ABI2: variants seen among roughly 807,000 people sequenced by gnomAD.
ABI2 encodes abelson interactor 2.
In ABI2, 25 loss-of-function variants were observed where a neutral mutation model predicts 59.2. The ratio of observed to expected loss-of-function variants is 0.42; its 90% CI spans 0.31 to 0.59. The LOEUF (loss-of-function observed/expected upper bound fraction) is 0.59. ABI2 is among the 20% of genes least tolerant of loss of function. The pLI is 0.14. For missense variants in ABI2, 545 were observed against 681.8 expected (o/e 0.80, Z 2.23); for synonymous variants, 213 against 235.5 (o/e 0.90, Z 0.87).
intron 9 of ABI2, among the ~76,000 whole-genome samples, chr2:203,405,888 A>G (rs531211659): frequency 4.0e-4 from 61 of 152,192 alleles, no homozygotes; most frequent in Admixed American, 1.5e-3. Context: ...AAAAAGGGCA[A>G]TTATAACATA....
At chr2:203,419,919 C>T (rs1017131495) in intron 11 of ABI2, among the ~76,000 whole-genome samples, 3 of 152,076 alleles carry the variant, frequency 2.0e-5, no homozygotes, top group Non-Finnish European at 1.5e-5. Context: ...ACTCCAGAGG[C>T]GGAGGTTGGG....
At chr2:203,367,090 A>G in intron 2 of ABI2, 46 bp downstream of exon 2, 2 of 1,563,438 alleles carry the variant, frequency 1.3e-6, no homozygotes, top group Non-Finnish European at 1.7e-6. Context: ...AACCCTTAAT[A>G]ATAAACACAG....
rs566008087 is a variant in ABI2, at chr2:203,334,511, C to G, written c.117+5880C>G. On this transcript the variant is annotated intron_variant, in intron 1 of 11. Transcript: ENST00000261018. The stretch of plus-strand genomic sequence containing the variant: ...GAAATATATTTGGTGGATGAATATG[C>G]TGTGATTTGCTTACACCCACCCCAA... Among the ~76,000 whole-genome samples, 4 of 152,076 alleles carry G rather than the reference C, an allele frequency of 2.6e-5. 1 individual carries two copies. In the South Asian group the frequency reaches 8.3e-4, roughly 32 times the overall value.
In ABI2 at chr2:203,430,907, T is replaced by C. The variant is rs1182484945; in HGVS notation, c.*3555T>C. On this transcript the variant is annotated 3_prime_UTR_variant, in exon 12 of 12. Transcript: ENST00000261018. ...AAAATGATGGTAGTTTGCTTTTATC[T>C]TTTTATGTTCATTTTCTTTTAGTAG... 2 of 152,252 alleles carry C rather than the reference T, an allele frequency of 1.3e-5. No homozygotes were observed. Among genetic ancestry groups the C allele is most frequent in the African/African-American group, 4.8e-5 (2 of 41,472 alleles). The allele number at this position is 152,252 out of a possible 1,614,324, so 9.4% of individuals were successfully genotyped here.
At chr2:203,372,861 G>C (rs1346626816) in intron 2 of ABI2, among the ~76,000 whole-genome samples, 5 of 152,034 alleles carry the variant, frequency 3.3e-5, no homozygotes, top group African/African-American at 1.2e-4. Flanking sequence ...TCATATCCCA[G>C]ACGGGGCGGC....
intron 2 of ABI2, among the ~76,000 whole-genome samples, chr2:203,371,334 C>A (rs75404969): frequency 0.026 from 3,933 of 152,228 alleles, 168 homozygotes; most frequent in African/African-American, 0.088. Flanking sequence ...GGGAGAAATA[C>A]TTCAACAAAA....
In ABI2 at chr2:203,356,058, C is replaced by G. The variant is rs146858127; in HGVS notation, c.118-10819C>G. Among the ~76,000 whole-genome samples, 17 of 151,828 alleles carry G rather than the reference C, an allele frequency of 1.1e-4. No individual in the cohort carries two copies. In the East Asian group the frequency reaches 3.1e-3, roughly 28 times the overall value. On this transcript the variant is annotated intron_variant, in intron 1 of 11. Coordinates refer to ENST00000261018, the MANE Select transcript of ABI2 (RefSeq NM_001375670.1). Reference sequence around the variant, plus strand: ...GTTCTTTGTATATAGTTTTTTTTCTCTCTCTCTGAAAGCTTATGGAATCAT... The same window carrying G: ...GTTCTTTGTATATAGTTTTTTTTCTGTCTCTCTGAAAGCTTATGGAATCAT...
At chr2:203,396,259 CTT>C (rs373945400) in intron 7 of ABI2, among the ~76,000 whole-genome samples, 16 of 152,210 alleles carry the variant, frequency 1.1e-4, no homozygotes, top group African/African-American at 3.9e-4. Context: ...ACACTTAAAA[CTT>C]AGTTTTGAAA....
chr2:203,367,782 C>T (rs565318065), intron 2 of ABI2, among the ~76,000 whole-genome samples: 3 of 152,090 alleles, frequency 2.0e-5, no homozygotes, highest in South Asian at 2.1e-4. Context: ...GTGGGAGGAT[C>T]GCTTCAGCCC....
At chr2:203,417,172 A>C in intron 11 of ABI2, 91 bp downstream of exon 11, 1 of 1,157,896 alleles carries the variant, frequency 8.6e-7, no homozygotes, top group South Asian at 2.1e-5. Context: ...ATTTTCTACT[A>C]AGTGAAGTTC....
intron 1 of ABI2, chr2:203,328,920 G>T (rs993312985): frequency 7.5e-6 from 2 of 267,762 alleles, no homozygotes; most frequent in Non-Finnish European, 1.4e-5. Flanking sequence ...CTCCGCGCCG[G>T]TCAGCGTTCC....
chr2:203,351,020 A>C (rs1371352340), intron 1 of ABI2, among the ~76,000 whole-genome samples: 2 of 152,028 alleles, frequency 1.3e-5, no homozygotes, highest in Non-Finnish European at 2.9e-5. Flanking sequence ...TTTTGAGTTA[A>C]TTTTTGCATA....
At chr2:203,340,092 A>G (rs2078989750) in intron 1 of ABI2, among the ~76,000 whole-genome samples, 1 of 152,240 alleles carries the variant, frequency 6.6e-6, no homozygotes, top group Non-Finnish European at 1.5e-5. Context: ...GAACCTGGAG[A>G]ACATTAGGTA....
chr2:203,391,216 T>A, intron 5 of ABI2, 73 bp downstream of exon 5: 2 of 1,057,194 alleles, frequency 1.9e-6, no homozygotes, highest in Non-Finnish European at 2.6e-6. Flanking sequence ...CATATTTAAA[T>A]TATTTTTTGA....
In ABI2 at chr2:203,397,083, A is replaced by C. The variant is rs2097030083; in HGVS notation, c.1033+116A>C. The C allele has an allele frequency of 5.6e-6, 7 of 1,257,066 alleles. No individual in the cohort carries two copies. In the South Asian group the frequency reaches 1.9e-4, roughly 34 times the overall value. 77.9% of individuals were successfully genotyped at this position (1,257,066 alleles called of 1,614,324 possible). On this transcript the variant is annotated intron_variant, in intron 8 of 11. Transcript: ENST00000261018. ...TTGTACTTCGTATTAAAAAAAAATA[A>C]GAATAATGTACTAACCAGAAAGTAT... is the stretch of plus-strand genomic sequence containing the variant.
At chr2:203,420,313 T>G (rs1356383408) in intron 11 of ABI2, among the ~76,000 whole-genome samples, 2 of 152,320 alleles carry the variant, frequency 1.3e-5, no homozygotes, top group Admixed American at 6.5e-5. Context: ...TCTGGCTCAG[T>G]GATACAGCTT....
rs144269076 is a variant in ABI2, at chr2:203,351,657, T to C, written c.118-15220T>C. The C allele has an allele frequency of 1.3e-3, 514 of 400,230 alleles. 4 individuals are homozygous for C. The highest frequency in any genetic ancestry group is 0.01 in the African/African-American group (464 of 46,076). 24.8% of individuals were successfully genotyped at this position (400,230 alleles called of 1,614,324 possible). On this transcript the variant is annotated intron_variant, in intron 1 of 11. Transcript: ENST00000261018. ...CTCAAGTGATCATCCTGCCTCAGTC[T>C]CTCAGTAGTCTGGGACTACAGGTGC...
At chr2:203,392,296 CCACCACCACCACCACCACCAA>C (rs1176688256) in intron 5 of ABI2, among the ~76,000 whole-genome samples, 4 of 93,536 alleles carry the variant, frequency 4.3e-5, no homozygotes, top group African/African-American at 1.2e-4. Flanking sequence ...ACCACCACCA[CCACCACCACCACCACCACCAA>C]CAACAACAAC....
intron 8 of ABI2, among the ~76,000 whole-genome samples, chr2:203,397,623 CTG>C (rs2097056900): frequency 6.6e-6 from 1 of 152,160 alleles, no homozygotes; most frequent in South Asian, 2.1e-4. Flanking sequence ...ACATATATCA[CTG>C]TATTAGTCTG....
Sources: gnomAD v4.1 joint callset for allele counts (sites outside exome capture counted in the v4.1 genomes callset) on GRCh38, gnomAD v4.1.1 for gene constraint, MANE v1.5 for transcripts, NCBI Gene and HGNC (gene_info 2026-07-23, HGNC 2026-07-21) for gene names.